The following CSMD3 variants were observed in gnomAD, a reference collection of about 807,000 sequenced individuals.
CSMD3 encodes CUB and Sushi multiple domains 3.
In CSMD3, 177 loss-of-function variants were observed where a neutral mutation model predicts 435.2. That is an observed-to-expected ratio of 0.41 (90% confidence interval 0.36 to 0.46). The LOEUF (loss-of-function observed/expected upper bound fraction) is 0.46. Ranked by LOEUF, CSMD3 falls within the 20% of genes least tolerant of loss-of-function variation. The pLI, the probability that CSMD3 is intolerant of heterozygous loss-of-function variation, is 0.34. For synonymous variants in CSMD3, 1,656 were observed against 1,520.5 expected, an observed-to-expected ratio of 1.09 and a Z score of -2.07; for missense variants, 4,265 against 4,504.6, an observed-to-expected ratio of 0.95 and a Z score of 1.52.
rs2130935523 is a variant in CSMD3, at chr8:112,976,113, C to A, written c.1066G>T (p.Glu356Ter). Residue 356 changes from glutamate (E) to a stop codon, truncating the protein, a stop_gained, in exon 7 of 71, where the codon GAG (glutamate) becomes TAG (stop). Transcript: ENST00000297405. LOFTEE classifies it high-confidence loss of function. ...STLTHTTSTGELEEHNRTTTG... is the reference protein window; with the variant it reads ...STLTHTTSTG ...GTAGTCCTGTTATGCTCCTCTAACT[C>A]ACCAGTGGAGGTAGTGTGGGTCAAT... 1 of 1,614,026 alleles carries A rather than the reference C, an allele frequency of 6.2e-7. No individual in the cohort carries two copies. The highest frequency in any genetic ancestry group is 8.5e-7 in the Non-Finnish European group (1 of 1,179,914).
chr8:112,545,507 T>A (rs59286333), intron 27 of CSMD3, among the ~76,000 whole-genome samples: 44,386 of 89,712 alleles, frequency 0.49, 11,189 homozygotes, highest in African/African-American at 0.59. Flanking sequence ...AAAAAAATAA[T>A]AATAATAATA....
intron 52 of CSMD3, among the ~76,000 whole-genome samples, chr8:112,303,586 CA>C (rs535973154): frequency 3.1e-4 from 46 of 149,518 alleles, no homozygotes; most frequent in African/African-American, 4.9e-4. Context: ...ACAAAAACAA[CA>C]AAAAAAAATA....
chr8:113,009,979 G>T (rs560817795), intron 6 of CSMD3, among the ~76,000 whole-genome samples: 1 of 151,760 alleles, frequency 6.6e-6, no homozygotes, highest in East Asian at 1.9e-4. Context: ...TGATTAATTT[G>T]TAATATATTT....
chr8:112,941,837 A>G (rs1287956811), intron 9 of CSMD3, among the ~76,000 whole-genome samples: 2 of 151,696 alleles, frequency 1.3e-5, no homozygotes, highest in African/African-American at 4.8e-5. Context: ...CAGAGAGTAC[A>G]GAGGGTTCCC....
intron 6 of CSMD3, among the ~76,000 whole-genome samples, chr8:113,000,927 G>A (rs1313232953): frequency 6.6e-6 from 1 of 151,926 alleles, no homozygotes. Context: ...CCACAGAGAA[G>A]GCATTCTTTT....
chr8:112,582,060 T>A (rs1830373711), intron 23 of CSMD3, among the ~76,000 whole-genome samples: 1 of 152,038 alleles, frequency 6.6e-6, no homozygotes, highest in South Asian at 2.1e-4. Flanking sequence ...GATTCCACTG[T>A]TGGAATTGGG....
chr8:113,416,266 C>T (rs1336041689), intron 1 of CSMD3, among the ~76,000 whole-genome samples: 1 of 151,968 alleles, frequency 6.6e-6, no homozygotes, highest in Non-Finnish European at 1.5e-5. Flanking sequence ...TCTCTTCTCC[C>T]TTTTGTTGTT....
chr8:113,221,843 C>T (rs748080948), intron 3 of CSMD3, among the ~76,000 whole-genome samples: 7 of 151,298 alleles, frequency 4.6e-5, no homozygotes, highest in Non-Finnish European at 1.0e-4. Flanking sequence ...CCTCAAAGCA[C>T]TTGCTATTAC....
intron 6 of CSMD3, among the ~76,000 whole-genome samples, chr8:112,986,565 T>A (rs187756669): frequency 6.6e-6 from 1 of 152,114 alleles, no homozygotes; most frequent in African/African-American, 2.4e-5. Context: ...ACCATTTTAG[T>A]ATTAAAACCA....
At chr8:112,806,244 T>C (rs979724095) in intron 12 of CSMD3, among the ~76,000 whole-genome samples, 2 of 152,184 alleles carry the variant, frequency 1.3e-5, no homozygotes, top group African/African-American at 4.8e-5. Context: ...TAGTATAAGC[T>C]TTGGGAGTTC....
intron 6 of CSMD3, among the ~76,000 whole-genome samples, chr8:113,004,601 T>C (rs182824409): frequency 4.1e-4 from 63 of 152,074 alleles, no homozygotes; most frequent in Admixed American, 2.4e-3. Flanking sequence ...TTCAGAGCAT[T>C]GAGCGCAAGA....
intron 3 of CSMD3, among the ~76,000 whole-genome samples, chr8:113,235,911 T>C (rs2093142690): frequency 6.6e-6 from 1 of 152,114 alleles, no homozygotes; most frequent in African/African-American, 2.4e-5. Flanking sequence ...AGGTCCCTGA[T>C]ACCCAGTATG....
At chr8:113,178,671 A>G (rs1200915719) in intron 3 of CSMD3, among the ~76,000 whole-genome samples, 1 of 151,876 alleles carries the variant, frequency 6.6e-6, no homozygotes, top group Admixed American at 6.6e-5. Context: ...AAAAGGATAA[A>G]AAGTTAGTTT....
At chr8:112,389,442 T>C (rs2129695908) in intron 36 of CSMD3, among the ~76,000 whole-genome samples, 1 of 152,308 alleles carries the variant, frequency 6.6e-6, no homozygotes, top group East Asian at 1.9e-4. Context: ...TCTTCAAATT[T>C]GACAAATTGT....
chr8:113,300,309 C>A (rs2132581212), intron 2 of CSMD3, among the ~76,000 whole-genome samples: 1 of 152,280 alleles, frequency 6.6e-6, no homozygotes, highest in East Asian at 1.9e-4. Flanking sequence ...TACCATTCAA[C>A]TCAGTAATTC....
intron 1 of CSMD3, among the ~76,000 whole-genome samples, chr8:113,414,828 G>T (rs576922562): frequency 6.6e-6 from 1 of 151,908 alleles, no homozygotes; most frequent in Non-Finnish European, 1.5e-5. Flanking sequence ...TTAGCTGGGC[G>T]TGGTGGCATG....
chr8:112,560,238 C>T (rs1051057111), intron 24 of CSMD3, among the ~76,000 whole-genome samples: 1 of 151,734 alleles, frequency 6.6e-6, no homozygotes, highest in Non-Finnish European at 1.5e-5. Flanking sequence ...CTTTCCTAGT[C>T]TCTATTAAGG....
intron 14 of CSMD3, among the ~76,000 whole-genome samples, chr8:112,688,550 A>G (rs1457689476): frequency 1.3e-5 from 2 of 152,106 alleles, no homozygotes; most frequent in African/African-American, 4.8e-5. Context: ...GTGATTTATC[A>G]TTCAGGAACA....
chr8:112,370,587 G>T (rs1253670542), intron 38 of CSMD3, among the ~76,000 whole-genome samples: 1 of 152,168 alleles, frequency 6.6e-6, no homozygotes, highest in East Asian at 1.9e-4. Context: ...CCCTAAAGCA[G>T]TATCTTCACT....
Sources: allele counts gnomAD v4.1 joint callset (sites outside exome capture counted in the v4.1 genomes callset), GRCh38; gene constraint gnomAD v4.1.1; transcripts MANE v1.5; gene names NCBI Gene and HGNC (gene_info 2026-07-23, HGNC 2026-07-21).